Variants in OCLN observed in about 807,000 individuals in gnomAD.
OCLN encodes the protein occludin, also known as phosphatase 1, regulatory subunit 115.
Under a neutral mutation model 47.9 loss-of-function variants are expected in OCLN, and 21 were observed. The ratio of observed to expected loss-of-function variants is 0.44; its 90% CI spans 0.31 to 0.63. The LOEUF is 0.63. Ranked by LOEUF, OCLN falls within the 30% of genes least tolerant of loss-of-function variation. The pLI, the probability that OCLN is intolerant of heterozygous loss-of-function variation, is 0.08. For missense variants in OCLN, 360 were observed against 571.0 expected (o/e 0.63, Z 3.77); for synonymous variants, 117 against 198.4 (o/e 0.59, Z 3.45).
At chr5:69,507,350 G>T (rs977192423) in intron 2 of OCLN, among the ~76,000 whole-genome samples, 1 of 152,154 alleles carries the variant, frequency 6.6e-6, no homozygotes, top group African/African-American at 2.4e-5. Flanking sequence ...GGCCAGGCTG[G>T]TCTCAAATTC....
chr5:69,515,941 G>T (rs1354546093), intron 4 of OCLN, among the ~76,000 whole-genome samples: 1 of 148,826 alleles, frequency 6.7e-6, no homozygotes, highest in Non-Finnish European at 1.5e-5. Context: ...GATGGCATGG[G>T]GGCCGGGAAG....
chr5:69,516,276 G>T (rs752950150), intron 4 of OCLN, among the ~76,000 whole-genome samples: 1 of 152,212 alleles, frequency 6.6e-6, no homozygotes, highest in East Asian at 1.9e-4. Context: ...TGGCGGATCA[G>T]TCGCAGTTCG....
chr5:69,519,067 G>C (rs549830933), intron 4 of OCLN, among the ~76,000 whole-genome samples: 7 of 152,232 alleles, frequency 4.6e-5, no homozygotes, highest in Non-Finnish European at 7.4e-5. Context: ...GAGCCTGGGA[G>C]GTCAAGGCTG....
chr5:69,532,596 A>G (rs1234461957), intron 4 of OCLN, among the ~76,000 whole-genome samples: 1 of 152,014 alleles, frequency 6.6e-6, no homozygotes, highest in Non-Finnish European at 1.5e-5. Flanking sequence ...TTTTTTTCTC[A>G]ATTACAGAGT....
intron 5 of OCLN, 105 bp downstream of exon 5, chr5:69,534,944 C>T (rs1419784342): frequency 1.7e-6 from 2 of 1,150,060 alleles, no homozygotes; most frequent in Non-Finnish European, 1.3e-6. Context: ...CAGCAGTGCA[C>T]ACAAAAGCTG....
At chr5:69,523,780 C>A (rs530118368) in intron 4 of OCLN, among the ~76,000 whole-genome samples, 76 of 152,158 alleles carry the variant, frequency 5.0e-4, no homozygotes, top group African/African-American at 1.8e-3. Flanking sequence ...AGGTGATCCA[C>A]CCGCCTCAGC....
At chr5:69,506,187 G>A (rs1173391181) in intron 2 of OCLN, among the ~76,000 whole-genome samples, 1 of 152,226 alleles carries the variant, frequency 6.6e-6, no homozygotes, top group African/African-American at 2.4e-5. Flanking sequence ...GTGCATGCCT[G>A]TTATCCCAGC....
chr5:69,509,052 C>T (rs1044867212), intron 2 of OCLN, 89 bp from the exon 3 acceptor site: 19 of 1,120,858 alleles, frequency 1.7e-5, no homozygotes, highest in Non-Finnish European at 2.6e-5. Flanking sequence ...TTCATTTACC[C>T]AATGGTTTAA....
chr5:69,494,981 G>A (rs1017763659), intron 1 of OCLN, among the ~76,000 whole-genome samples: 1 of 152,136 alleles, frequency 6.6e-6, no homozygotes, highest in Non-Finnish European at 1.5e-5. Flanking sequence ...ACTGTAGCCT[G>A]ATACAAGATT....
chr5:69,509,411 AG>A lies in OCLN; in HGVS notation c.323del (p.Gly108GlufsTer47). ...LGGSVGYPYG[G>X]SGFGSYGSGY... The stretch of plus-strand genomic sequence containing the variant: ...GAGGTAGTGTAGGCTACCCTTATGG[AG>A]GAAGTGGCTTTGGTAGCTACGGAAG... On this transcript the variant is annotated frameshift_variant, in exon 3 of 9. Coordinates refer to ENST00000396442, the MANE Select transcript of OCLN (RefSeq NM_001205254.2). LOFTEE classifies it high-confidence loss of function. The A allele has an allele frequency of 6.2e-7, 1 of 1,614,128 alleles. No individual in the cohort carries two copies. Among genetic ancestry groups the A allele is most frequent in the Non-Finnish European group, 8.5e-7 (1 of 1,180,022 alleles).
At chr5:69,504,349 A>C in intron 2 of OCLN, 55 bp downstream of exon 2, 2 of 1,035,498 alleles carry the variant, frequency 1.9e-6, no homozygotes, top group Non-Finnish European at 3.0e-6. Flanking sequence ...ACATGTAAAC[A>C]ATAAGTATGG....
Position 69,554,367 on chromosome 5 carries a change from A to G in OCLN, c.*696A>G, listed in dbSNP as rs567053400. 6.6e-5 allele frequency: 10 copies of G among 152,018 alleles called. No homozygotes were observed. The South Asian group carries it at 2.1e-3, about 32-fold the overall frequency. 9.4% of individuals were successfully genotyped at this position (152,018 alleles called of 1,614,324 possible). A position where few individuals can be genotyped will look rare whatever the true frequency, so the allele number is the denominator to read the frequency against. On this transcript the variant is annotated 3_prime_UTR_variant, in exon 9 of 9. Coordinates refer to ENST00000396442, the MANE Select transcript of OCLN (RefSeq NM_001205254.2). ...TTACTTTTTTAAGATCAAAGTTTAA[A>G]CCCCGTGGTTAGAATTTTGTGTGTT...
chr5:69,513,825 CAATT>C, intron 3 of OCLN, 119 bp from the exon 4 acceptor site: 3 of 845,984 alleles, frequency 3.5e-6, no homozygotes, highest in East Asian at 2.5e-5. Flanking sequence ...AGTTTTCTAT[CAATT>C]AAACCACATG....
intron 1 of OCLN, among the ~76,000 whole-genome samples, chr5:69,494,379 G>A (rs1224650681): frequency 6.6e-6 from 1 of 152,158 alleles, no homozygotes; most frequent in Non-Finnish European, 1.5e-5. Flanking sequence ...TAGAGACAGG[G>A]TTTTGCCATT....
At chr5:69,496,486 T>G (rs1301237517) in intron 1 of OCLN, among the ~76,000 whole-genome samples, 1 of 152,130 alleles carries the variant, frequency 6.6e-6, no homozygotes, top group Non-Finnish European at 1.5e-5. Flanking sequence ...AAGTTTATTT[T>G]TCACTTATTG....
intron 4 of OCLN, among the ~76,000 whole-genome samples, chr5:69,521,854 CACT>C (rs1769146976): frequency 6.6e-6 from 1 of 152,214 alleles, no homozygotes; most frequent in East Asian, 1.9e-4. Context: ...TATTCTTCAT[CACT>C]TGACATCTTC....
intron 2 of OCLN, among the ~76,000 whole-genome samples, chr5:69,506,559 G>T (rs944715274): frequency 2.6e-5 from 4 of 152,136 alleles, no homozygotes; most frequent in Admixed American, 2.6e-4. Flanking sequence ...GAGGGTTGGG[G>T]CTGAAAAGTT....
chr5:69,555,040 A>G lies in OCLN; in HGVS notation c.*1369A>G, dbSNP rs555197700. On this transcript the variant is annotated 3_prime_UTR_variant, in exon 9 of 9. Transcript: ENST00000396442. ...AACCTCCACCTCCCGGGTTCAAGCA[A>G]TTCTCCTGCCTCAGCCTCTCGAGTA... 1.3e-5 allele frequency: 2 copies of G among 148,758 alleles called. No homozygotes were observed. The highest frequency in any genetic ancestry group is 2.2e-4 in the South Asian group (1 of 4,502). 9.2% of individuals were successfully genotyped at this position (148,758 alleles called of 1,614,324 possible). A position where few individuals can be genotyped will look rare whatever the true frequency, so the allele number is the denominator to read the frequency against.
intron 5 of OCLN, among the ~76,000 whole-genome samples, chr5:69,535,961 C>A (rs1769572050): frequency 6.6e-6 from 1 of 152,118 alleles, no homozygotes; most frequent in Admixed American, 6.5e-5. Flanking sequence ...CCCATCTCTA[C>A]TAAAAATAGC....
Sources: gnomAD v4.1 joint callset for allele counts (sites outside exome capture counted in the v4.1 genomes callset) on GRCh38, gnomAD v4.1.1 for gene constraint, MANE v1.5 for transcripts, NCBI Gene and HGNC (gene_info 2026-07-23, HGNC 2026-07-21) for gene names.